Variants in AFF3 observed in about 807,000 individuals in gnomAD.
The protein encoded by AFF3 is ALF transcription elongation factor 3, also known as AF4/FMR2 family member 3.
AFF3 carries 32 observed loss-of-function variants against 129.7 expected under a neutral mutation model. The ratio of observed to expected loss-of-function variants is 0.25; its 90% CI spans 0.19 to 0.33. The LOEUF (loss-of-function observed/expected upper bound fraction) is 0.33, where lower values mean the gene tolerates loss of function less well. AFF3 is among the 10% of genes least tolerant of loss of function. AFF3 has a pLI of 1.00. For synonymous variants in AFF3, 644 were observed against 635.4 expected (o/e 1.01, Z -0.20); for missense variants, 1,373 against 1,592.0 (o/e 0.86, Z 2.34).
chr2:99,977,651 T>C (rs979535603), intron 7 of AFF3, among the ~76,000 whole-genome samples: 5 of 152,226 alleles, frequency 3.3e-5, no homozygotes, highest in Non-Finnish European at 7.3e-5. Context: ...TTGTCCCAAC[T>C]TAGAAATGGA....
At chr2:99,832,332 T>C (rs1426498838) in intron 8 of AFF3, among the ~76,000 whole-genome samples, 2 of 152,228 alleles carry the variant, frequency 1.3e-5, no homozygotes, top group Admixed American at 6.5e-5. Flanking sequence ...CAGGAGCTTC[T>C]GGACTTCCAG....
chr2:100,131,460 T>C (rs574962556), intron 1 of AFF3, among the ~76,000 whole-genome samples: 55 of 152,270 alleles, frequency 3.6e-4, no homozygotes, highest in African/African-American at 1.3e-3. Context: ...TTAAATTTTT[T>C]TATTTTTATT....
chr2:100,020,225 G>A (rs1209842527), intron 4 of AFF3, among the ~76,000 whole-genome samples: 1 of 151,910 alleles, frequency 6.6e-6, no homozygotes, highest in Non-Finnish European at 1.5e-5. Context: ...CCCTTCAGAG[G>A]TCTCCTTCCC....
At chr2:99,629,608 C>T (rs767904554) in intron 13 of AFF3, among the ~76,000 whole-genome samples, 54 of 152,148 alleles carry the variant, frequency 3.5e-4, no homozygotes, top group Non-Finnish European at 7.5e-4. Flanking sequence ...GTGTCTCAGT[C>T]GGTTTGGGCT....
rs200197052 is a variant in AFF3 at position 99,554,521 on chromosome 2, G to C, written c.3349C>G (p.Pro1117Ala). The change falls in exon 24 of 25, where the codon CCA becomes GCA. Residue 1117 changes from proline (P) to alanine (A), a missense_variant. By Grantham distance (27) the Pro-to-Ala change is conservative. This residue lies in a region of AFF3 where 165 missense variants were observed against 234.0 expected (regional missense o/e 0.71). Coordinates refer to ENST00000672756, the MANE Select transcript of AFF3 (RefSeq NM_001386135.1). ...WGASGKSTGT[P>A]SPMSPNPSPA... The stretch of plus-strand genomic sequence containing the variant: ...GAGGGGTTGGGAGACATGGGGGATG[G>C]GGTTCCAGTGCTCCTGGAAGGGGAG... 1.6e-5 allele frequency: 26 copies of C among 1,613,130 alleles called. No individual in the cohort carries two copies. The African/African-American group carries it at 3.5e-4, about 21-fold the overall frequency.
intron 7 of AFF3, among the ~76,000 whole-genome samples, chr2:99,956,764 G>C (rs1167716589): frequency 6.6e-6 from 1 of 152,162 alleles, no homozygotes; most frequent in Non-Finnish European, 1.5e-5. Flanking sequence ...TATACCTGGA[G>C]TGCAGCACTA....
At chr2:99,875,500 G>A (rs535273174) in intron 7 of AFF3, among the ~76,000 whole-genome samples, 7 of 152,286 alleles carry the variant, frequency 4.6e-5, no homozygotes, top group African/African-American at 1.7e-4. Flanking sequence ...CATCTGGGTA[G>A]AGACCTTGCA....
intron 7 of AFF3, among the ~76,000 whole-genome samples, chr2:99,886,839 T>C (rs117341046): frequency 6.6e-6 from 1 of 152,364 alleles, no homozygotes; most frequent in East Asian, 1.9e-4. Context: ...TTACCATATG[T>C]ATTTAGGATA....
At chr2:99,730,040 T>G (rs554061950) in intron 10 of AFF3, among the ~76,000 whole-genome samples, 17 of 152,244 alleles carry the variant, frequency 1.1e-4, no homozygotes, top group African/African-American at 4.1e-4. Flanking sequence ...AATCTATGTA[T>G]CTATGTGTAT....
intron 4 of AFF3, among the ~76,000 whole-genome samples, chr2:100,062,454 C>G (rs1336051815): frequency 6.6e-6 from 1 of 152,112 alleles, no homozygotes; most frequent in Non-Finnish European, 1.5e-5. Context: ...AAGGAACAAA[C>G]AGTAACAACC....
chr2:99,912,472 T>C (rs530425425), intron 7 of AFF3, among the ~76,000 whole-genome samples: 2 of 152,308 alleles, frequency 1.3e-5, no homozygotes, highest in East Asian at 3.9e-4. Flanking sequence ...TAAAACCCAA[T>C]AAATAATTTC....
chr2:99,996,505 C>T (rs1374786881), intron 7 of AFF3, among the ~76,000 whole-genome samples: 1 of 149,756 alleles, frequency 6.7e-6, no homozygotes, highest in East Asian at 1.9e-4. Flanking sequence ...GGACTACAGG[C>T]ACCTGCCACC....
intron 7 of AFF3, among the ~76,000 whole-genome samples, chr2:99,966,457 G>A (rs542734566): frequency 1.3e-5 from 2 of 151,894 alleles, no homozygotes; most frequent in Middle Eastern, 3.4e-3. Context: ...TTGGGAGGCC[G>A]AGGCGGGCGG....
At chr2:99,827,176 A>T (rs1688155229) in intron 8 of AFF3, among the ~76,000 whole-genome samples, 1 of 152,302 alleles carries the variant, frequency 6.6e-6, no homozygotes, top group Non-Finnish European at 1.5e-5. Context: ...CAGGAAACAG[A>T]GCTGTGTTTG....
intron 12 of AFF3, among the ~76,000 whole-genome samples, chr2:99,658,151 T>A (rs76297147): frequency 0.061 from 9,349 of 152,088 alleles, 395 homozygotes; most frequent in East Asian, 0.11. Context: ...GAGGACAACA[T>A]GAGAGGGTGC....
chr2:99,904,643 C>A (rs1048493848), intron 7 of AFF3, among the ~76,000 whole-genome samples: 1 of 152,078 alleles, frequency 6.6e-6, no homozygotes, highest in East Asian at 1.9e-4. Flanking sequence ...AGGGAGGGCA[C>A]TATTGAAAGC....
chr2:99,966,199 C>T (rs1024874147), intron 7 of AFF3, among the ~76,000 whole-genome samples: 1 of 152,248 alleles, frequency 6.6e-6, no homozygotes, highest in Middle Eastern at 3.4e-3. Flanking sequence ...CTCAAGTAGC[C>T]TGTCAGGTAA....
intron 1 of AFF3, among the ~76,000 whole-genome samples, chr2:100,140,132 T>C (rs991800602): frequency 2.0e-5 from 3 of 152,246 alleles, no homozygotes; most frequent in African/African-American, 7.2e-5. Flanking sequence ...ATTTTACGTA[T>C]GTAGACTCAT....
intron 7 of AFF3, among the ~76,000 whole-genome samples, chr2:99,857,812 C>T (rs1576202544): frequency 6.6e-6 from 1 of 152,036 alleles, no homozygotes; most frequent in African/African-American, 2.4e-5. Context: ...TAGGGAAGTC[C>T]TTCTCCTCAA....
Sources: allele counts gnomAD v4.1 joint callset (sites outside exome capture counted in the v4.1 genomes callset), GRCh38; gene constraint gnomAD v4.1.1; regional missense constraint gnomAD v4.1.1; transcripts MANE v1.5; gene names NCBI Gene and HGNC (gene_info 2026-07-23, HGNC 2026-07-21).